The following PTPRT variants were observed in gnomAD, a reference collection of about 807,000 sequenced individuals.
PTPRT encodes protein tyrosine phosphatase receptor type T.
In PTPRT, 56 loss-of-function variants were observed where a neutral mutation model predicts 176.8. The ratio of observed to expected loss-of-function variants is 0.32; its 90% CI spans 0.26 to 0.40. The LOEUF (loss-of-function observed/expected upper bound fraction) is 0.40, where lower values mean the gene tolerates loss of function less well. PTPRT is among the 10% of genes least tolerant of loss of function. The pLI is 1.00. For synonymous variants in PTPRT, 783 were observed against 739.0 expected (o/e 1.06, Z -0.96); for missense variants, 1,540 against 1,908.2 (o/e 0.81, Z 3.60).
rs780156899 is a variant in PTPRT at position 42,118,537 on chromosome 20, AGTGCAAAGCAGCAGCTGAGAAGGTTT to A, written c.2885-63_2885-38del. 11 of 1,548,042 alleles carry A rather than the reference AGTGCAAAGCAGCAGCTGAGAAGGTTT, an allele frequency of 7.1e-6. No homozygotes were observed. The East Asian group carries it at 2.5e-4, about 36-fold the overall frequency. ...GAAGACAGTGAGGTTAGAGAATGCA[AGTGCAAAGCAGCAGCTGAGAAGGTTT>A]GTCCCCCCGGTTGGTCAAGTCTCCA... On this transcript the variant is annotated intron_variant, in intron 20 of 30. Transcript: ENST00000373187.
chr20:42,501,427 G>A (rs773289236), intron 7 of PTPRT, among the ~76,000 whole-genome samples: 17 of 152,210 alleles, frequency 1.1e-4, no homozygotes, highest in South Asian at 2.1e-4. Flanking sequence ...TTTTGCTGAA[G>A]ATATATATGC....
intron 22 of PTPRT, among the ~76,000 whole-genome samples, chr20:42,113,877 G>C (rs1987142108): frequency 6.6e-6 from 1 of 152,196 alleles, no homozygotes; most frequent in African/African-American, 2.4e-5. Context: ...TTTCACCCGA[G>C]ACTGCAGATT....
chr20:42,134,473 G>A (rs879696861), intron 18 of PTPRT, among the ~76,000 whole-genome samples: 5 of 152,236 alleles, frequency 3.3e-5, no homozygotes, highest in South Asian at 4.2e-4. Flanking sequence ...TGGCTGTGGC[G>A]AGGAGGGAAC....
In PTPRT at chr20:42,601,256, T is replaced by C. The variant is rs181339481; in HGVS notation, c.1153+76610A>G. Among the ~76,000 whole-genome samples, 109 of 152,332 alleles carry C rather than the reference T, an allele frequency of 7.2e-4. No individual in the cohort carries two copies. In the East Asian group the frequency reaches 0.019, roughly 26 times the overall value. On this transcript the variant is annotated intron_variant, in intron 7 of 30. Coordinates refer to ENST00000373187, the MANE Select transcript of PTPRT (RefSeq NM_007050.6). ...TCACCTTTGGCTCTTCTCTGCTGCA[T>C]CTCCAACATACAATCTGCCTTCTAC...
chr20:42,855,355 A>G lies in PTPRT; in HGVS notation c.214+30452T>C, dbSNP rs186335207. 2.3e-3 allele frequency among the ~76,000 whole-genome samples: 349 copies of G among 151,746 alleles called. 1 individual carries two copies. Among genetic ancestry groups the G allele is most frequent in the African/African-American group, 8.1e-3 (334 of 41,162 alleles). Reference sequence around the variant, plus strand: ...ATATTATTAATTCTGAAACTCAGAAACTGCCCCAACCTCATGCTATAGGTT... The same window carrying G: ...ATATTATTAATTCTGAAACTCAGAAGCTGCCCCAACCTCATGCTATAGGTT... On this transcript the variant is annotated intron_variant, in intron 2 of 30. Transcript: ENST00000373187.
In PTPRT at chr20:42,199,317, T is replaced by A; in HGVS notation, c.2414A>T (p.Asp805Val). 1 of 1,614,182 alleles carries A rather than the reference T, an allele frequency of 6.2e-7. No homozygotes were observed. Among genetic ancestry groups the A allele is most frequent in the Non-Finnish European group, 8.5e-7 (1 of 1,180,022 alleles). ...GGCGCTGAGCTTGGTGGTGGGTTTG[T>A]CGGCAGAGGCCACAGGCCCCATCTC... Reference protein sequence around the residue: ...QREMGPVASADKPTTKLSASR... With the variant: ...QREMGPVASAVKPTTKLSASR... Residue 805 changes from aspartate to valine, a missense_variant, in exon 16 of 31, where the codon GAC (aspartate) becomes GTC (valine). Physicochemically the swap from Asp to Val is radical, Grantham distance 152. Transcript: ENST00000373187.
intron 1 of PTPRT, among the ~76,000 whole-genome samples, chr20:43,042,807 C>T (rs562027973): frequency 3.3e-5 from 5 of 150,090 alleles, no homozygotes; most frequent in African/African-American, 1.2e-4. Context: ...CTATCCCAAG[C>T]GCTAATGGTT....
At chr20:42,917,377 G>C (rs1403846413) in intron 1 of PTPRT, among the ~76,000 whole-genome samples, 2 of 152,146 alleles carry the variant, frequency 1.3e-5, no homozygotes, top group Non-Finnish European at 2.9e-5. Flanking sequence ...TTGTAGTATA[G>C]TTTGAAGTCA....
At chr20:42,047,920 T>C in the PTPRT span, among the ~76,000 whole-genome samples, 3 of 152,238 alleles carry the variant, frequency 2.0e-5, no homozygotes, top group Non-Finnish European at 4.4e-5. Flanking sequence ...AGACATCTGG[T>C]AGCCTAGGCT....
intron 12 of PTPRT, among the ~76,000 whole-genome samples, chr20:42,315,519 T>C (rs903418818): frequency 6.6e-6 from 1 of 152,214 alleles, no homozygotes; most frequent in African/African-American, 2.4e-5. Flanking sequence ...TCAACTTTAC[T>C]GTTAAGCATC....
intron 7 of PTPRT, among the ~76,000 whole-genome samples, chr20:42,614,494 T>A (rs1022172148): frequency 6.6e-6 from 1 of 152,136 alleles, no homozygotes; most frequent in African/African-American, 2.4e-5. Flanking sequence ...AATCTCCAAG[T>A]GATAGCGTGG....
At chr20:42,746,983 A>G (rs576950775) in intron 6 of PTPRT, among the ~76,000 whole-genome samples, 16 of 152,148 alleles carry the variant, frequency 1.1e-4, no homozygotes, top group Non-Finnish European at 2.1e-4. Context: ...TAAGGGGCAC[A>G]TGGTGGGGTG....
intron 7 of PTPRT, among the ~76,000 whole-genome samples, chr20:42,629,149 G>A (rs2145882102): frequency 6.6e-6 from 1 of 151,558 alleles, no homozygotes; most frequent in Admixed American, 6.6e-5. Context: ...CAATTACTGT[G>A]GAAGACTCTC....
At chr20:42,454,674 C>T (rs2070889844) in intron 8 of PTPRT, among the ~76,000 whole-genome samples, 1 of 152,146 alleles carries the variant, frequency 6.6e-6, no homozygotes. Context: ...ATATGTGCTA[C>T]TGAAAAACTT....
chr20:42,332,637 A>C (rs975003544), intron 11 of PTPRT, among the ~76,000 whole-genome samples: 5 of 151,496 alleles, frequency 3.3e-5, no homozygotes, highest in Non-Finnish European at 7.3e-5. Flanking sequence ...GTATATGTGG[A>C]AAACATTTTT....
Position 42,234,452 on chromosome 20 carries a change from G to A in PTPRT, c.2342+1777C>T, listed in dbSNP as rs556728472. 8.8e-4 allele frequency among the ~76,000 whole-genome samples: 134 copies of A among 152,262 alleles called. 1 individual carries two copies. The highest frequency in any genetic ancestry group is 1.2e-3 in the Non-Finnish European group (83 of 68,028). On this transcript the variant is annotated intron_variant, in intron 15 of 30. Coordinates refer to ENST00000373187, the MANE Select transcript of PTPRT (RefSeq NM_007050.6). ...TAGCAATGACACACCATATTGTTTCGTACCTCCGTGTCTTTGCAGATGCAG... is the reference window on the plus strand; with the variant it reads ...TAGCAATGACACACCATATTGTTTCATACCTCCGTGTCTTTGCAGATGCAG...
At chr20:42,756,338 T>G (rs960834976) in intron 6 of PTPRT, 124 bp downstream of exon 6, 2 of 1,054,856 alleles carry the variant, frequency 1.9e-6, no homozygotes, top group Non-Finnish European at 2.6e-6. Flanking sequence ...GAGGCCAGAG[T>G]GACTAGAAAT....
chr20:43,126,704 C>T (rs186470491), intron 1 of PTPRT, among the ~76,000 whole-genome samples: 107 of 152,304 alleles, frequency 7.0e-4, no homozygotes, highest in African/African-American at 2.4e-3. Flanking sequence ...AAATTTTGTT[C>T]TCTTGAGAAT....
chr20:42,684,738 C>T (rs1180803683), intron 6 of PTPRT, among the ~76,000 whole-genome samples: 1 of 152,026 alleles, frequency 6.6e-6, no homozygotes, highest in East Asian at 1.9e-4. Context: ...AAATATAAAA[C>T]TAAAGAAAAA....
Sources: gnomAD v4.1 joint callset for allele counts (sites outside exome capture counted in the v4.1 genomes callset) on GRCh38, gnomAD v4.1.1 for gene constraint, MANE v1.5 for transcripts, NCBI Gene and HGNC (gene_info 2026-07-23, HGNC 2026-07-21) for gene names.